The following KIAA1210 variants were observed in gnomAD, a reference collection of about 807,000 sequenced individuals.
The protein encoded by KIAA1210 is acrosomal protein KIAA1210.
KIAA1210 carries 48 observed loss-of-function variants against 78.9 expected under a neutral mutation model. That is an observed-to-expected ratio of 0.61 (90% CI 0.48 to 0.77). The LOEUF is 0.77. Among genes scored for constraint, KIAA1210 ranks in the 30% least tolerant of loss-of-function variants. The pLI, the probability that KIAA1210 is intolerant of heterozygous loss-of-function variation, is 0.00. For synonymous variants in KIAA1210, 406 were observed against 404.5 expected, an observed-to-expected ratio of 1.00 and a Z score of -0.04; for missense variants, 1,108 against 1,100.0, an observed-to-expected ratio of 1.01 and a Z score of -0.10.
upstream of KIAA1210, among the ~76,000 whole-genome samples, chrX:119,128,044 A>G (rs754008824): frequency 5.4e-5 from 6 of 111,254 alleles, no homozygotes; most frequent in East Asian, 1.7e-3. Context: ...TTCTTTGTCT[A>G]CAATCACTTC....
At chrX:119,107,819 AAG>A in intron 5 of KIAA1210, among the ~76,000 whole-genome samples, 1 of 111,933 alleles carries the variant, frequency 8.9e-6, no homozygotes, top group African/African-American at 3.2e-5. Context: ...TGAGACGGGG[AAG>A]GCAGCTGTTA....
chrX:119,123,015 C>T (rs1248934496), intron 2 of KIAA1210, among the ~76,000 whole-genome samples: 1 of 112,381 alleles, frequency 8.9e-6, no homozygotes, highest in Non-Finnish European at 1.9e-5. Context: ...CTTATGATTT[C>T]CTTTTTATTG....
chrX:119,143,484 T>C (rs1488964780), intron 2 of KIAA1210, among the ~76,000 whole-genome samples: 5 of 112,255 alleles, frequency 4.5e-5, no homozygotes, highest in African/African-American at 1.6e-4. Flanking sequence ...GGCTCCTCCT[T>C]AACTGTATTT....
intron 3 of KIAA1210, among the ~76,000 whole-genome samples, chrX:119,112,479 A>C (rs1928113046): frequency 8.9e-6 from 1 of 111,930 alleles, no homozygotes; most frequent in Non-Finnish European, 1.9e-5. Context: ...AGAAAATAAA[A>C]AAAGATGTGA....
intron 1 of KIAA1210, among the ~76,000 whole-genome samples, chrX:119,148,143 AAAC>A (rs772578851): frequency 5.4e-5 from 6 of 110,959 alleles, no homozygotes; most frequent in East Asian, 2.8e-4. Context: ...CCCTGTTCAA[AAAC>A]AACAACAACA....
rs1172356099 is a variant in KIAA1210 at position 119,080,261 on chromosome X, C to T, written c.*1068G>A. The T allele has an allele frequency of 6.3e-5, 7 of 111,538 alleles. No homozygotes were observed. Among genetic ancestry groups the T allele is most frequent in the South Asian group, 7.6e-4 (2 of 2,647 alleles). 9.2% of individuals were successfully genotyped at this position (111,538 alleles called of 1,213,427 possible). On this transcript the variant is annotated 3_prime_UTR_variant, in exon 12 of 12. Transcript: ENST00000691062. ...GCATTCTGCGTCATAGGGAGGTGCT[C>T]GCTACAGCCAGGCCTGTGACAGGTC...
chrX:119,142,023 A>C (rs1929059866), intron 2 of KIAA1210, among the ~76,000 whole-genome samples: 1 of 112,183 alleles, frequency 8.9e-6, no homozygotes, highest in Admixed American at 9.4e-5. Context: ...CATAATTGTG[A>C]AAGGGTTAGG....
intron 2 of KIAA1210, among the ~76,000 whole-genome samples, chrX:119,146,232 G>T (rs986329664): frequency 2.7e-5 from 3 of 112,084 alleles, no homozygotes; most frequent in African/African-American, 9.7e-5. Context: ...TAGTTACCTT[G>T]ATTTAATCAT....
At chrX:119,123,914 T>TTTTTG (rs376112294) in intron 1 of KIAA1210, among the ~76,000 whole-genome samples, 2,952 of 111,646 alleles carry the variant, frequency 0.026, 100 homozygotes, top group African/African-American at 0.091. Context: ...GGGAGGATGT[T>TTTTTG]TTTTGTTTTG....
rs138390744 is a variant in KIAA1210, at chrX:119,092,174, C to T, written c.955+1493G>A. On this transcript the variant is annotated intron_variant, in intron 8 of 11. Coordinates refer to ENST00000691062, the MANE Select transcript of KIAA1210 (RefSeq NM_001394962.1). ...ATGCCTTAAGAATTGCATTGGTCCA[C>T]AGGCTTCAGGTCAAGCACAAGGTAG... Among the ~76,000 whole-genome samples the T allele has an allele frequency of 9.3e-3, 1,043 of 111,940 alleles. 10 individuals are homozygous for T. Among genetic ancestry groups the T allele is most frequent in the African/African-American group, 0.031 (965 of 30,754 alleles).
chrX:119,083,740 C>G (rs1349065925), intron 10 of KIAA1210, among the ~76,000 whole-genome samples: 2 of 110,955 alleles, frequency 1.8e-5, no homozygotes, highest in Non-Finnish European at 3.8e-5. Flanking sequence ...ATAATCCCAA[C>G]ACTTTGTGAG....
intron 9 of KIAA1210, 133 bp from the exon 10 acceptor site, chrX:119,085,679 C>G: frequency 1.7e-6 from 1 of 587,977 alleles, no homozygotes; most frequent in South Asian, 3.8e-5. Flanking sequence ...AGATATCAAA[C>G]AGAGAAGGCC....
At chrX:119,093,320 G>T (rs1307478666) in intron 8 of KIAA1210, among the ~76,000 whole-genome samples, 1 of 112,470 alleles carries the variant, frequency 8.9e-6, no homozygotes, top group South Asian at 3.7e-4. Context: ...GAAATCAGTG[G>T]TTGTCCTCTC....
rs142401723 is a variant in KIAA1210, at chrX:119,097,217, G to A, written c.649-526C>T. 2.7e-5 allele frequency among the ~76,000 whole-genome samples: 3 copies of A among 111,527 alleles called. No homozygotes were observed. In the East Asian group the frequency reaches 8.5e-4, roughly 32 times the overall value. On this transcript the variant is annotated intron_variant, in intron 6 of 11. Transcript: ENST00000691062. ...CCTTTTATTTATATTGACAGTTCAT[G>A]GGTGCAAGACTGATGGGAGGACCCT...
intron 2 of KIAA1210, among the ~76,000 whole-genome samples, chrX:119,140,877 C>G (rs1046333024): frequency 8.9e-6 from 1 of 112,408 alleles, no homozygotes; most frequent in African/African-American, 3.2e-5. Flanking sequence ...GAGTTCAAGG[C>G]CAGCCTGGAC....
At chrX:119,133,869 T>C (rs1928852629) in intron 2 of KIAA1210, among the ~76,000 whole-genome samples, 1 of 110,119 alleles carries the variant, frequency 9.1e-6, no homozygotes, top group Admixed American at 9.7e-5. Flanking sequence ...TGATACATTA[T>C]GTTTGTACAT....
chrX:119,083,399 G>C (rs1486201938), intron 10 of KIAA1210, among the ~76,000 whole-genome samples: 1 of 112,047 alleles, frequency 8.9e-6, no homozygotes, highest in Non-Finnish European at 1.9e-5. Context: ...AGTGAAAGCA[G>C]GTTAACAAGA....
Position 119,086,979 on chromosome X carries a change from G to T in KIAA1210, c.3723C>A (p.Asn1241Lys). 1.7e-6 allele frequency: 2 copies of T among 1,211,572 alleles called. No homozygotes were observed. The highest frequency in any genetic ancestry group is 2.2e-6 in the Non-Finnish European group (2 of 895,407). ...KTKKFSQGSKNPIKSIPAPAT... is the reference protein window; with the variant it reads ...KTKKFSQGSKKPIKSIPAPAT... ...CAGGGGCTGGAATGCTCTTTATGGG[G>T]TTTTTGGAACCTTGGCTGAATTTCT... Residue 1241 changes from asparagine (N) to lysine (K), a missense_variant, in exon 9 of 12, where the codon AAC becomes AAA. Asn to Lys is a moderately conservative substitution (Grantham distance 94, BLOSUM62 0). This residue lies in a region of KIAA1210 where 245 missense variants were observed against 278.8 expected (regional missense o/e 0.88). Transcript: ENST00000691062.
chrX:119,102,640 T>C (rs1376531210), intron 6 of KIAA1210, among the ~76,000 whole-genome samples: 1 of 111,630 alleles, frequency 9.0e-6, no homozygotes, highest in Non-Finnish European at 1.9e-5. Flanking sequence ...CATGAGATAT[T>C]ATAAAAAGAG....
Sources: allele counts gnomAD v4.1 joint callset (sites outside exome capture counted in the v4.1 genomes callset), GRCh38; gene constraint gnomAD v4.1.1; regional missense constraint gnomAD v4.1.1; transcripts MANE v1.5; gene names NCBI Gene and HGNC (gene_info 2026-07-23, HGNC 2026-07-21).